Variants in JARID2 observed in about 807,000 individuals in gnomAD.
The protein encoded by JARID2 is protein Jumonji.
A neutral mutation model predicts 125.6 loss-of-function variants in JARID2; 21 were observed. That is an observed-to-expected ratio of 0.17 (90% CI 0.12 to 0.24). The LOEUF is 0.24. Among genes scored for constraint, JARID2 ranks in the 10% least tolerant of loss-of-function variants. The pLI is 1.00. For synonymous variants in JARID2, 736 were observed against 661.6 expected (o/e 1.11, Z -1.73); for missense variants, 1,303 against 1,639.6 (o/e 0.79, Z 3.55).
intron 1 of JARID2, among the ~76,000 whole-genome samples, chr6:15,278,612 G>A (rs1288513940): frequency 2.7e-5 from 4 of 147,800 alleles, no homozygotes; most frequent in East Asian, 4.0e-4. Context: ...AAAAAGAAAG[G>A]TGAGCTCTGT....
At chr6:15,507,568 A>C in intron 11 of JARID2, 152 bp downstream of exon 11, 1 of 628,834 alleles carries the variant, frequency 1.6e-6, no homozygotes, top group Non-Finnish European at 2.8e-6. Context: ...ATTTTTAGAA[A>C]AGAAAGGAGT....
chr6:15,342,269 C>T lies in JARID2; in HGVS notation c.46-31848C>T, dbSNP rs539451445. On this transcript the variant is annotated intron_variant, in intron 1 of 17. Coordinates refer to ENST00000341776, the MANE Select transcript of JARID2 (RefSeq NM_004973.4). Reference sequence around the variant, plus strand: ...ACAATCTCTCCACTTGGCCTCTGTGCGACTTACTGTAAACATCTATTGTCT... The same window carrying T: ...ACAATCTCTCCACTTGGCCTCTGTGTGACTTACTGTAAACATCTATTGTCT... 2.6e-5 allele frequency among the ~76,000 whole-genome samples: 4 copies of T among 152,272 alleles called. No homozygotes were observed. In the South Asian group the frequency reaches 6.2e-4, roughly 24 times the overall value.
chr6:15,494,088 C>T (rs1258712938), intron 6 of JARID2, among the ~76,000 whole-genome samples: 2 of 152,190 alleles, frequency 1.3e-5, no homozygotes, highest in Non-Finnish European at 2.9e-5. Flanking sequence ...CCTCCATGGG[C>T]CTGGCTCCTA....
Position 15,513,427 on chromosome 6 carries a change from GCCCGCCTGGC to G in JARID2, c.3450+8_3450+17del, listed in dbSNP as rs759174225. On this transcript the variant is annotated splice_donor_region_variant and intron_variant, in intron 16 of 17. Transcript: ENST00000341776. ...CACCTGTGCTACCTGTCCATGGTGA[GCCCGCCTGGC>G]CCTGCCGGCGCCCTCGCATGTAGTG... 1.7e-5 allele frequency: 27 copies of G among 1,592,158 alleles called. No homozygotes were observed. The highest frequency in any genetic ancestry group is 1.7e-6 in the Non-Finnish European group (2 of 1,166,018).
At chr6:15,333,141 C>T (rs996817368) in intron 1 of JARID2, among the ~76,000 whole-genome samples, 1 of 151,934 alleles carries the variant, frequency 6.6e-6, no homozygotes, top group Admixed American at 6.6e-5. Flanking sequence ...ACTGTGTTAG[C>T]CAGGATGGTC....
chr6:15,332,220 C>T (rs893608484), intron 1 of JARID2, among the ~76,000 whole-genome samples: 5 of 152,296 alleles, frequency 3.3e-5, no homozygotes, highest in African/African-American at 1.2e-4. Flanking sequence ...TTAATATTTA[C>T]AGGGCATGTC....
chr6:15,473,472 T>C (rs1472423311), intron 5 of JARID2, among the ~76,000 whole-genome samples: 2 of 134,946 alleles, frequency 1.5e-5, no homozygotes, highest in Non-Finnish European at 3.1e-5. Flanking sequence ...CACTTGGTGA[T>C]GCTACCTGGG....
At chr6:15,428,944 A>ACCCCC (rs1561857160) in intron 3 of JARID2, among the ~76,000 whole-genome samples, 9 of 144,714 alleles carry the variant, frequency 6.2e-5, no homozygotes, top group African/African-American at 2.4e-4. Flanking sequence ...CCCCCCCAAA[A>ACCCCC]AAAAAAAAAA....
At chr6:15,361,568 C>T (rs767014931) in intron 1 of JARID2, among the ~76,000 whole-genome samples, 1 of 152,228 alleles carries the variant, frequency 6.6e-6, no homozygotes, top group Non-Finnish European at 1.5e-5. Context: ...GCCATATTTG[C>T]TTTCCCTAGC....
chr6:15,474,964 G>A (rs1038333060), intron 5 of JARID2, among the ~76,000 whole-genome samples: 6 of 152,148 alleles, frequency 3.9e-5, no homozygotes, highest in Admixed American at 1.3e-4. Flanking sequence ...TAATAATCCC[G>A]GTTGACACCA....
intron 3 of JARID2, among the ~76,000 whole-genome samples, chr6:15,448,844 G>A (rs893930269): frequency 5.3e-5 from 8 of 152,070 alleles, no homozygotes. Flanking sequence ...GAAATTGAGA[G>A]CCAGCCTTGA....
intron 3 of JARID2, among the ~76,000 whole-genome samples, chr6:15,415,990 C>T (rs1160735413): frequency 6.6e-6 from 1 of 150,728 alleles, no homozygotes; most frequent in African/African-American, 2.4e-5. Context: ...TGGGCAGAGA[C>T]GCTCCTCACC....
intron 1 of JARID2, among the ~76,000 whole-genome samples, chr6:15,319,586 A>G (rs889240351): frequency 2.6e-5 from 4 of 152,154 alleles, no homozygotes; most frequent in African/African-American, 7.2e-5. Flanking sequence ...ATGTGTTTTT[A>G]GTAGAGACGG....
intron 3 of JARID2, among the ~76,000 whole-genome samples, chr6:15,444,567 G>A (rs2127624256): frequency 6.6e-6 from 1 of 152,120 alleles, no homozygotes; most frequent in South Asian, 2.1e-4. Flanking sequence ...GTGTGTCTGG[G>A]GGGCGAATGG....
intron 2 of JARID2, among the ~76,000 whole-genome samples, chr6:15,377,910 G>C (rs1228321043): frequency 6.7e-6 from 1 of 148,170 alleles, no homozygotes; most frequent in Admixed American, 6.7e-5. Context: ...TCTTTGAGAT[G>C]GAGTTTCCCT....
intron 2 of JARID2, among the ~76,000 whole-genome samples, chr6:15,405,223 C>T (rs1281499917): frequency 6.6e-6 from 1 of 152,218 alleles, no homozygotes; most frequent in Non-Finnish European, 1.5e-5. Context: ...CTGTTCCAGA[C>T]TCAGAAGCCT....
chr6:15,474,665 A>T (rs1561888502), intron 5 of JARID2, among the ~76,000 whole-genome samples: 1 of 152,174 alleles, frequency 6.6e-6, no homozygotes, highest in Non-Finnish European at 1.5e-5. Flanking sequence ...AGCCATTCAG[A>T]TCTCTAATGG....
chr6:15,418,807 A>T (rs1295350095), intron 3 of JARID2, among the ~76,000 whole-genome samples: 1 of 152,184 alleles, frequency 6.6e-6, no homozygotes, highest in Admixed American at 6.5e-5. Context: ...TCTGGATATG[A>T]AGACATGTTG....
At chr6:15,330,678 A>G (rs769919221) in intron 1 of JARID2, among the ~76,000 whole-genome samples, 2 of 152,254 alleles carry the variant, frequency 1.3e-5, no homozygotes, top group Middle Eastern at 3.2e-3. Flanking sequence ...AACACTTCAC[A>G]GAATGAGTAA....
Sources: allele counts gnomAD v4.1 joint callset (sites outside exome capture counted in the v4.1 genomes callset), GRCh38; gene constraint gnomAD v4.1.1; transcripts MANE v1.5; gene names NCBI Gene and HGNC (gene_info 2026-07-23, HGNC 2026-07-21).